LYSMD4: variants seen among roughly 807,000 people sequenced by gnomAD.
The protein encoded by LYSMD4 is lysM and putative peptidoglycan-binding domain-containing protein 4.
LYSMD4 carries 9 observed loss-of-function variants against 6.1 expected under a neutral mutation model. The ratio of observed to expected loss-of-function variants is 1.47; its 90% CI spans 0.88 to 2.56. LYSMD4 has a LOEUF of 2.56. Ranked by LOEUF, LYSMD4 falls within the 30% of genes most tolerant of loss-of-function variation. The pLI, the probability that LYSMD4 is intolerant of heterozygous loss-of-function variation, is 0.00. For missense variants in LYSMD4, 384 were observed against 373.5 expected, an observed-to-expected ratio of 1.03 and a Z score of -0.23; for synonymous variants, 143 against 148.5, an observed-to-expected ratio of 0.96 and a Z score of 0.27.
downstream of LYSMD4, among the ~76,000 whole-genome samples, chr15:99,725,103 GGGAA>G (rs1190911541): frequency 1.3e-5 from 2 of 151,912 alleles, no homozygotes; most frequent in Non-Finnish European, 2.9e-5. Context: ...CTTAAGTGCC[GGGAA>G]GGAAGCAGGT....
At chr15:99,716,889 TA>T in exon 1 of LYSMD4, 1 of 349,448 alleles carries the variant, frequency 2.9e-6, no homozygotes, top group South Asian at 2.1e-5. Context: ...TGGGTCTCTT[TA>T]AAGTCTAGGG....
At chr15:99,731,422 G>T in intron 2 of LYSMD4, 1 of 1,609,470 alleles carries the variant, frequency 6.2e-7, no homozygotes, top group African/African-American at 1.3e-5. Context: ...AATAAAATGT[G>T]CTCGAAAGAA....
At chr15:99,725,222 T>C (rs2059268407), downstream of LYSMD4, among the ~76,000 whole-genome samples, 1 of 152,122 alleles carries the variant, frequency 6.6e-6, no homozygotes. Flanking sequence ...CTAGAATGTG[T>C]CTAGACTTCC....
chr15:99,733,284 C>T, intron 1 of LYSMD4, 61 bp downstream of exon 1: 2 of 387,976 alleles, frequency 5.2e-6, no homozygotes, highest in Non-Finnish European at 4.6e-6. Context: ...GGTCGCCGTA[C>T]CGCCATGAGC....
At chr15:99,725,450 C>T (rs576857827), downstream of LYSMD4, among the ~76,000 whole-genome samples, 6 of 152,288 alleles carry the variant, frequency 3.9e-5, no homozygotes, top group East Asian at 1.2e-3. Context: ...TCCACGATCG[C>T]GATGGCCCCC....
In LYSMD4 at chr15:99,731,974, T is replaced by G; in HGVS notation, c.26A>C (p.Lys9Thr). The change falls in exon 2 of 3, where the codon AAG becomes ACG. Residue 9 changes from lysine to threonine, a missense_variant. Coordinates refer to ENST00000684762, the MANE Select transcript of LYSMD4 (RefSeq NM_001284417.2). ...CACAACAGCTGGGCCTTGGAAGGTC[T>G]TGGTTAACAATTCCTCGTGCCTCAT... MRHEELLT[K>T]TFQGPAVVCG... 2 of 1,591,660 alleles carry G rather than the reference T, an allele frequency of 1.3e-6. No homozygotes were observed. Among genetic ancestry groups the G allele is most frequent in the South Asian group, 2.2e-5 (2 of 89,400 alleles).
In LYSMD4 at chr15:99,731,977, GT is replaced by G; in HGVS notation, c.22del (p.Thr8ProfsTer106). On this transcript the variant is annotated frameshift_variant, in exon 2 of 3. Coordinates refer to ENST00000684762, the MANE Select transcript of LYSMD4 (RefSeq NM_001284417.2). LOFTEE classifies it high-confidence loss of function. ...AACAGCTGGGCCTTGGAAGGTCTTG[GT>G]TAACAATTCCTCGTGCCTCATTTTC... MRHEELLTKTFQGPAVVC... is the reference protein window; with the variant it reads MRHEELLXKTFQGPAVVC... The G allele has an allele frequency of 6.3e-7, 1 of 1,587,920 alleles. No homozygotes were observed. Among genetic ancestry groups the G allele is most frequent in the Non-Finnish European group, 8.6e-7 (1 of 1,164,526 alleles).
intron 1 of LYSMD4, 35 bp downstream of exon 1, chr15:99,733,310 G>C (rs1597397629): frequency 5.1e-6 from 2 of 390,570 alleles, no homozygotes; most frequent in East Asian, 3.6e-5. Flanking sequence ...CGGCTCCCTA[G>C]CCAGACCGCG....
rs1372779120 is a variant in LYSMD4, at chr15:99,728,959, G to A, written c.*164C>T. 1 of 959,100 alleles carries A rather than the reference G, an allele frequency of 1.0e-6. No homozygotes were observed. The highest frequency in any genetic ancestry group is 1.6e-6 in the Non-Finnish European group (1 of 638,234). 59.4% of individuals were successfully genotyped at this position (959,100 alleles called of 1,614,324 possible). On this transcript the variant is annotated 3_prime_UTR_variant, in exon 3 of 3. Transcript: ENST00000684762. ...GATCCTGCCAGCTTAGACTGGGTAA[G>A]GCCATGCCCAGGGCCAGTGCAATTG...
At chr15:99,718,945 A>G (rs1377592222), upstream of LYSMD4, among the ~76,000 whole-genome samples, 16 of 151,612 alleles carry the variant, frequency 1.1e-4, no homozygotes, top group African/African-American at 3.2e-4. Context: ...ACACACATCC[A>G]TCCATATTCC....
chr15:99,720,987 T>A (rs1468937327), upstream of LYSMD4: 1 of 152,204 alleles, frequency 6.6e-6, no homozygotes, highest in African/African-American at 2.4e-5. Flanking sequence ...AAAAGCATGC[T>A]TTTCTATCAC....
upstream of LYSMD4, among the ~76,000 whole-genome samples, chr15:99,721,806 T>C (rs1418459534): frequency 6.6e-6 from 1 of 152,188 alleles, no homozygotes. Context: ...ATATGAGGCC[T>C]TGGACAACGG....
rs532869564 is a variant in LYSMD4 at position 99,729,025 on chromosome 15, C to T, written c.*98G>A. ...CTTCTGAAAAGTGTCCATCCTTCCC[C>T]GGAAGCAAAATGCAGCACCCCTAGG... is the stretch of plus-strand genomic sequence containing the variant. On this transcript the variant is annotated 3_prime_UTR_variant, in exon 3 of 3. Transcript: ENST00000684762. The T allele has an allele frequency of 6.6e-6, 10 of 1,512,282 alleles. No individual in the cohort carries two copies. The highest frequency in any genetic ancestry group is 2.3e-5 in the East Asian group (1 of 44,162). 93.7% of individuals were successfully genotyped at this position (1,512,282 alleles called of 1,614,324 possible). A position where few individuals can be genotyped will look rare whatever the true frequency, so the allele number is the denominator to read the frequency against.
At chr15:99,727,057 A>T (rs962334900), downstream of LYSMD4, among the ~76,000 whole-genome samples, 2 of 152,086 alleles carry the variant, frequency 1.3e-5, no homozygotes, top group Admixed American at 1.3e-4. Context: ...ACATCTTTTA[A>T]CGCTAAATTA....
intron 2 of LYSMD4, chr15:99,731,232 T>G (rs766395476): frequency 2.5e-6 from 4 of 1,610,760 alleles, no homozygotes; most frequent in Non-Finnish European, 3.4e-6. Context: ...CAGGGTTATA[T>G]AGATACACAG....
chr15:99,720,997 C>G (rs2059233307), upstream of LYSMD4: 1 of 152,192 alleles, frequency 6.6e-6, no homozygotes, highest in African/African-American at 2.4e-5. Context: ...TTTTCTATCA[C>G]CCGTTTCAAA....
At chr15:99,733,198 A>G (rs923604767) in intron 1 of LYSMD4, 147 bp downstream of exon 1, 79 of 372,750 alleles carry the variant, frequency 2.1e-4, no homozygotes, top group African/African-American at 1.5e-3. Flanking sequence ...AGTCGCGGTC[A>G]CCGCCCCTCC....
Position 99,733,396 on chromosome 15 carries a change from AC to A in LYSMD4, c.-61del, listed in dbSNP as rs2059474931. On this transcript the variant is annotated 5_prime_UTR_variant, in exon 1 of 3. Coordinates refer to ENST00000684762, the MANE Select transcript of LYSMD4 (RefSeq NM_001284417.2). ...GGCGACCGGCGACTCGCGACCCGCG[AC>A]CCGCGACCCGCAGCTGCCACCGCGC... 4 of 395,544 alleles carry A rather than the reference AC, an allele frequency of 1.0e-5. No homozygotes were observed. Among genetic ancestry groups the A allele is most frequent in the Non-Finnish European group, 1.8e-5 (4 of 224,252 alleles). The allele number at this position is 395,544 out of a possible 1,614,324, so 24.5% of individuals were successfully genotyped here. A position where few individuals can be genotyped will look rare whatever the true frequency, so the allele number is the denominator to read the frequency against.
downstream of LYSMD4, among the ~76,000 whole-genome samples, chr15:99,726,542 C>T (rs2059284583): frequency 6.6e-6 from 1 of 152,168 alleles, no homozygotes; most frequent in East Asian, 1.9e-4. Context: ...CATGGCGGGG[C>T]CTTGACTGTC....
Sources: gnomAD v4.1 joint callset for allele counts (sites outside exome capture counted in the v4.1 genomes callset) on GRCh38, gnomAD v4.1.1 for gene constraint, MANE v1.5 for transcripts, NCBI Gene and HGNC (gene_info 2026-07-23, HGNC 2026-07-21) for gene names.